The following FER variants were observed in gnomAD, a reference collection of about 807,000 sequenced individuals.
FER encodes the protein tyrosine-protein kinase Fer.
A neutral mutation model predicts 111.0 loss-of-function variants in FER; 63 were observed. The observed-to-expected ratio is 0.57, with a 90% CI of 0.46 to 0.70. The LOEUF (loss-of-function observed/expected upper bound fraction) is 0.70. FER is among the 30% of genes least tolerant of loss of function. FER has a pLI of 0.00. For synonymous variants in FER, 327 were observed against 313.9 expected, an observed-to-expected ratio of 1.04 and a Z score of -0.44; for missense variants, 914 against 954.0, an observed-to-expected ratio of 0.96 and a Z score of 0.55.
chr5:109,051,190 C>T (rs1436525352), intron 16 of FER: 7 of 699,594 alleles, frequency 1.0e-5, no homozygotes, highest in African/African-American at 1.8e-5. Context: ...TTTTCTAAGC[C>T]TCATGAATAA....
intron 7 of FER, among the ~76,000 whole-genome samples, chr5:108,871,774 T>C (rs531357565): frequency 7.5e-4 from 114 of 152,070 alleles, no homozygotes; most frequent in Middle Eastern, 3.4e-3. Context: ...TTTTTTTTTA[T>C]GCTTATATAA....
At chr5:108,767,301 T>TCAAA (rs751203435) in intron 1 of FER, among the ~76,000 whole-genome samples, 7 of 152,124 alleles carry the variant, frequency 4.6e-5, no homozygotes, top group Admixed American at 2.6e-4. Flanking sequence ...AGACTCCATC[T>TCAAA]CAAACAAACA....
intron 16 of FER, among the ~76,000 whole-genome samples, chr5:109,072,957 C>T (rs549759994): frequency 6.6e-6 from 1 of 152,208 alleles, no homozygotes; most frequent in South Asian, 2.1e-4. Flanking sequence ...AATCACATAG[C>T]CTTCTTCCCT....
At chr5:109,142,842 A>G (rs1319529954) in intron 17 of FER, among the ~76,000 whole-genome samples, 1 of 152,178 alleles carries the variant, frequency 6.6e-6, no homozygotes, top group Non-Finnish European at 1.5e-5. Flanking sequence ...TGTGTTTTAT[A>G]TTAAAATGTG....
intron 3 of FER, among the ~76,000 whole-genome samples, chr5:108,817,556 T>A (rs975648885): frequency 6.6e-6 from 1 of 152,236 alleles, no homozygotes; most frequent in Non-Finnish European, 1.5e-5. Flanking sequence ...ACAACTATTA[T>A]TTAGGTATTT....
At chr5:108,855,929 TGTA>T (rs1762965312) in intron 5 of FER, among the ~76,000 whole-genome samples, 1 of 150,480 alleles carries the variant, frequency 6.6e-6, no homozygotes, top group Admixed American at 6.6e-5. Flanking sequence ...CTGGAAGAAG[TGTA>T]GTAAAGGGAG....
At chr5:109,037,361 T>C in intron 13 of FER, 61 bp from the exon 14 acceptor site, 1 of 1,432,238 alleles carries the variant, frequency 7.0e-7, no homozygotes, top group Non-Finnish European at 9.8e-7. Flanking sequence ...CTGGCTCAAA[T>C]GCAACTTCAA....
chr5:108,991,615 C>CT (rs1024332622), intron 13 of FER, among the ~76,000 whole-genome samples: 2 of 151,120 alleles, frequency 1.3e-5, no homozygotes, highest in African/African-American at 2.5e-5. Context: ...AGCAGATAAA[C>CT]TTTTTTTTCT....
chr5:108,944,259 A>T (rs1188841957), intron 10 of FER, among the ~76,000 whole-genome samples: 1 of 152,130 alleles, frequency 6.6e-6, no homozygotes, highest in East Asian at 1.9e-4. Flanking sequence ...TTGTACTTAC[A>T]GCACTTTTTC....
At chr5:109,078,137 A>G (rs1429312066) in intron 16 of FER, among the ~76,000 whole-genome samples, 1 of 152,178 alleles carries the variant, frequency 6.6e-6, no homozygotes, top group East Asian at 1.9e-4. Flanking sequence ...TGTGTGAAGA[A>G]CACCTATAGT....
At chr5:109,045,184 G>C (rs76908825) in intron 15 of FER, among the ~76,000 whole-genome samples, 2,644 of 151,750 alleles carry the variant, frequency 0.017, 28 homozygotes, top group Non-Finnish European at 0.027. Flanking sequence ...AGTACTGCTT[G>C]CTTCTGTTTT....
intron 16 of FER, among the ~76,000 whole-genome samples, chr5:109,073,678 C>T (rs1038313263): frequency 6.6e-5 from 10 of 152,112 alleles, no homozygotes; most frequent in African/African-American, 2.2e-4. Context: ...CTTTTCCCTT[C>T]GTAAATCAAT....
chr5:108,809,208 CCTT>C (rs764335684), intron 3 of FER, among the ~76,000 whole-genome samples: 5 of 152,122 alleles, frequency 3.3e-5, no homozygotes, highest in African/African-American at 4.8e-5. Flanking sequence ...TACTTTTTCT[CCTT>C]CTTTCTCAGG....
chr5:108,872,510 A>C (rs541884968), intron 8 of FER, among the ~76,000 whole-genome samples: 1 of 152,114 alleles, frequency 6.6e-6, no homozygotes, highest in Non-Finnish European at 1.5e-5. Context: ...ATCTCATTTC[A>C]TCCTCACAAT....
At chr5:109,051,416 C>T (rs1027159868) in intron 16 of FER, 1 of 1,612,798 alleles carries the variant, frequency 6.2e-7, no homozygotes, top group Non-Finnish European at 8.5e-7. Context: ...TCATGTCCAG[C>T]AGCTAGTTTT....
At chr5:109,031,052 AG>A (rs1769527955) in intron 13 of FER, among the ~76,000 whole-genome samples, 1 of 151,816 alleles carries the variant, frequency 6.6e-6, no homozygotes, top group South Asian at 2.1e-4. Context: ...TGGGAAAGGG[AG>A]TCTTCCCTTA....
chr5:108,880,108 T>G (rs1765539576), intron 8 of FER, among the ~76,000 whole-genome samples: 1 of 152,190 alleles, frequency 6.6e-6, no homozygotes, highest in South Asian at 2.1e-4. Context: ...TTGTTTATTA[T>G]TGTATCCCTA....
intron 16 of FER, among the ~76,000 whole-genome samples, chr5:109,092,225 A>G (rs1746868442): frequency 6.9e-6 from 1 of 144,568 alleles, no homozygotes; most frequent in Non-Finnish European, 1.5e-5. Flanking sequence ...CCAAAAGCCT[A>G]GGCAACTAAT....
chr5:109,092,770 A>G (rs1305364152), intron 16 of FER, among the ~76,000 whole-genome samples: 1 of 152,250 alleles, frequency 6.6e-6, no homozygotes, highest in Non-Finnish European at 1.5e-5. Flanking sequence ...TATATTCAAA[A>G]GAATTGAAAA....
Sources: gnomAD v4.1 joint callset for allele counts (sites outside exome capture counted in the v4.1 genomes callset) on GRCh38, gnomAD v4.1.1 for gene constraint, MANE v1.5 for transcripts, NCBI Gene and HGNC (gene_info 2026-07-23, HGNC 2026-07-21) for gene names.